ZNF829: variants seen among roughly 807,000 people sequenced by gnomAD.
ZNF829 encodes the protein zinc finger protein 829.
Under a neutral mutation model 35.2 loss-of-function variants are expected in ZNF829, and 25 were observed. The observed-to-expected ratio is 0.71, with a 90% confidence interval of 0.52 to 0.99. The LOEUF (loss-of-function observed/expected upper bound fraction) is 0.99, where lower values mean the gene tolerates loss of function less well. Ranked by LOEUF, ZNF829 falls within the 50% of genes least tolerant of loss-of-function variation. The pLI, the probability that ZNF829 is intolerant of heterozygous loss-of-function variation, is 0.00. For missense variants in ZNF829, 417 were observed against 515.3 expected (o/e 0.81, Z 1.85); for synonymous variants, 136 against 163.2 (o/e 0.83, Z 1.27).
At chr19:36,903,930 T>C (rs890704041) in intron 5 of ZNF829, among the ~76,000 whole-genome samples, 1 of 152,054 alleles carries the variant, frequency 6.6e-6, no homozygotes, top group African/African-American at 2.4e-5. Flanking sequence ...AACTGATACA[T>C]AAAAAAGACA....
chr19:36,899,107 C>T (rs916178947), intron 5 of ZNF829, among the ~76,000 whole-genome samples: 17 of 152,024 alleles, frequency 1.1e-4, no homozygotes, highest in African/African-American at 4.1e-4. Flanking sequence ...AACTCTTCAC[C>T]TGAGAAGGGA....
intron 5 of ZNF829, among the ~76,000 whole-genome samples, chr19:36,896,858 G>T (rs895056668): frequency 1.3e-5 from 2 of 152,136 alleles, no homozygotes; most frequent in African/African-American, 4.8e-5. Flanking sequence ...TAAACAATGT[G>T]CTTGCTCATG....
intron 5 of ZNF829, among the ~76,000 whole-genome samples, chr19:36,905,119 A>G (rs1351549579): frequency 6.6e-6 from 1 of 152,082 alleles, no homozygotes. Context: ...TTCCACTTCC[A>G]TATTTTTTGA....
chr19:36,913,082 T>C (rs568546451), intron 3 of ZNF829: 1 of 152,292 alleles, frequency 6.6e-6, no homozygotes, highest in African/African-American at 2.4e-5. Flanking sequence ...ATCTTCTCTA[T>C]AGAAATGAGA....
In ZNF829 at chr19:36,915,196, A is replaced by G. The variant is rs1481901927; in HGVS notation, c.-29T>C. On this transcript the variant is annotated 5_prime_UTR_variant, in exon 2 of 6. Coordinates refer to ENST00000391711, the MANE Select transcript of ZNF829 (RefSeq NM_001037232.4). ...GTCCAATTCCAGTGGCTCAGGGGAA[A>G]GGTTGTGTTCACTGCTGTCCAGGGT... The G allele has an allele frequency of 1.9e-6, 3 of 1,613,940 alleles. No individual in the cohort carries two copies. Among genetic ancestry groups the G allele is most frequent in the East Asian group, 2.2e-5 (1 of 44,886 alleles).
rs370786414 is a variant in ZNF829, at chr19:36,892,033, G to A, written c.758C>T (p.Ser253Leu). The A allele has an allele frequency of 6.2e-7, 1 of 1,613,920 alleles. No homozygotes were observed. Among genetic ancestry groups the A allele is most frequent in the Non-Finnish European group, 8.5e-7 (1 of 1,179,916 alleles). Reference protein sequence around the residue: ...KECGKAFKYCSNLNDHQRIHT... With the variant: ...KECGKAFKYCLNLNDHQRIHT... Reference sequence around the variant, plus strand: ...AATTCTCTGATGATCATTAAGGTTTGAGCAATACTTAAAGGCTTTTCCACA... The same window carrying A: ...AATTCTCTGATGATCATTAAGGTTTAAGCAATACTTAAAGGCTTTTCCACA... The change falls in exon 6 of 6, where the codon TCA (serine) becomes TTA (leucine). Residue 253 changes from serine to leucine, a missense_variant. By Grantham distance (145) the Ser-to-Leu change is moderately radical. Coordinates refer to ENST00000391711, the MANE Select transcript of ZNF829 (RefSeq NM_001037232.4).
rs187589213 is a variant in ZNF829, at chr19:36,907,803, G to C, written c.319+126C>G. The stretch of plus-strand genomic sequence containing the variant: ...ATATTGGACTAGGGAAAAAGTATGA[G>C]AAAAAAAAAAAAAGTGGGATAGCTT... On this transcript the variant is annotated intron_variant, in intron 5 of 5. Transcript: ENST00000391711. 6.3e-4 allele frequency: 374 copies of C among 596,066 alleles called. No homozygotes were observed. In the African/African-American group the frequency reaches 6.6e-3, roughly 11 times the overall value. 36.9% of individuals were successfully genotyped at this position (596,066 alleles called of 1,614,324 possible). A position where few individuals can be genotyped will look rare whatever the true frequency, so the allele number is the denominator to read the frequency against.
chr19:36,910,089 T>A (rs553777192), intron 3 of ZNF829, among the ~76,000 whole-genome samples: 16 of 139,622 alleles, frequency 1.1e-4, no homozygotes, highest in African/African-American at 3.9e-4. Context: ...CTTGAAAAAT[T>A]TTTTTTTTTT....
chr19:36,915,258 A>G lies in ZNF829; in HGVS notation c.-84-7T>C. 6.2e-7 allele frequency: 1 copy of G among 1,607,962 alleles called. No individual in the cohort carries two copies. Among genetic ancestry groups the G allele is most frequent in the Non-Finnish European group, 8.5e-7 (1 of 1,177,208 alleles). ...CAGACCTCAGAGAGGTTTCCTAGAG[A>G]CAGAGTTCTGGAGTCACAATCGCAT... On this transcript the variant is annotated splice_polypyrimidine_tract_variant and splice_region_variant and intron_variant, in intron 1 of 5. Transcript: ENST00000391711.
chr19:36,894,804 G>C (rs1034991980), intron 5 of ZNF829, among the ~76,000 whole-genome samples: 2 of 151,928 alleles, frequency 1.3e-5, no homozygotes, highest in Non-Finnish European at 2.9e-5. Flanking sequence ...ATGACATATG[G>C]GACATCATAA....
chr19:36,888,695 T>C lies in ZNF829; in HGVS notation c.*2797A>G, dbSNP rs1209563135. 1 of 152,202 alleles carries C rather than the reference T, an allele frequency of 6.6e-6. No homozygotes were observed. The highest frequency in any genetic ancestry group is 1.5e-5 in the Non-Finnish European group (1 of 68,066). The allele number at this position is 152,202 out of a possible 1,614,324, so 9.4% of individuals were successfully genotyped here. A position where few individuals can be genotyped will look rare whatever the true frequency, so the allele number is the denominator to read the frequency against. On this transcript the variant is annotated 3_prime_UTR_variant, in exon 6 of 6. Coordinates refer to ENST00000391711, the MANE Select transcript of ZNF829 (RefSeq NM_001037232.4). ...ATGTACCTTGTACTAAATAGGATTT[T>C]TTTTGGTTTTTTTTTGAGATGGAGT... is the stretch of plus-strand genomic sequence containing the variant.
Position 36,891,798 on chromosome 19 carries a change from C to G in ZNF829, c.993G>C (p.Lys331Asn), listed in dbSNP as rs374018238. Residue 331 changes from lysine to asparagine, a missense_variant, in exon 6 of 6, where the codon AAG becomes AAC. Lys to Asn is a moderately conservative substitution (Grantham distance 94). Coordinates refer to ENST00000391711, the MANE Select transcript of ZNF829 (RefSeq NM_001037232.4). ...TAAGTGTTGAGGCACTATTAAAGGC[C>G]TTCCCACACTGCTTACATTCATAAG... ...EKPYECKQCGKAFNSASTLTN... is the reference protein window; with the variant it reads ...EKPYECKQCGNAFNSASTLTN... 3.7e-6 allele frequency: 6 copies of G among 1,614,006 alleles called. No individual in the cohort carries two copies. The African/African-American group carries it at 8.0e-5, about 22-fold the overall frequency.
intron 5 of ZNF829, among the ~76,000 whole-genome samples, chr19:36,905,098 C>G (rs1333015175): frequency 2.0e-5 from 3 of 152,202 alleles, no homozygotes; most frequent in African/African-American, 7.2e-5. Context: ...TTAACTTCTA[C>G]TTGGATCAAT....
At chr19:36,904,708 G>A (rs2073201505) in intron 5 of ZNF829, among the ~76,000 whole-genome samples, 2 of 151,880 alleles carry the variant, frequency 1.3e-5, no homozygotes, top group Non-Finnish European at 2.9e-5. Flanking sequence ...CTGGGCTGCT[G>A]TTTTTCAATA....
rs1199886593 is a variant in ZNF829 at position 36,907,991 on chromosome 19, AAGG to A, written c.254_256del (p.Ser85del). On this transcript the variant is annotated inframe_deletion, in exon 5 of 6. Transcript: ENST00000391711. ...CCAGGGCTCTTTTCCTTGTTCCAAT[AAGG>A]AGATCACAGCTGGCTTAGAATTGGA... 5 of 1,613,908 alleles carry A rather than the reference AAGG, an allele frequency of 3.1e-6. No homozygotes were observed. The African/African-American group carries it at 6.7e-5, about 22-fold the overall frequency.
In ZNF829 at chr19:36,916,206, G is replaced by A; in HGVS notation, c.-280C>T. 2.2e-6 allele frequency: 1 copy of A among 460,838 alleles called. No homozygotes were observed. Among genetic ancestry groups the A allele is most frequent in the Non-Finnish European group, 3.9e-6 (1 of 258,712 alleles). 28.5% of individuals were successfully genotyped at this position (460,838 alleles called of 1,614,324 possible). ...ATCCAGCCGAGCCTCGGAGTTGCGG[G>A]TCGCCGTAGCGCTGCGCAATGGAGA... is the stretch of plus-strand genomic sequence containing the variant. On this transcript the variant is annotated 5_prime_UTR_variant, in exon 1 of 6. Transcript: ENST00000391711. This position sits in a 1 kb window ranked among gnomAD's most constrained non-coding sequence, Gnocchi z 5.3.
At chr19:36,899,833 G>A in intron 5 of ZNF829, among the ~76,000 whole-genome samples, 1 of 151,184 alleles carries the variant, frequency 6.6e-6, no homozygotes, top group South Asian at 2.1e-4. Flanking sequence ...ATTTCAATAT[G>A]TATGTGTATC....
chr19:36,915,280 G>T, intron 1 of ZNF829, 29 bp from the exon 2 acceptor site: 13 of 1,586,260 alleles, frequency 8.2e-6, no homozygotes, highest in Non-Finnish European at 1.1e-5. Context: ...AGTCACAATC[G>T]CATAGTTGAC....
chr19:36,897,811 C>T (rs1440940200), intron 5 of ZNF829, among the ~76,000 whole-genome samples: 1 of 152,156 alleles, frequency 6.6e-6, no homozygotes. Flanking sequence ...AAAGATGCCA[C>T]CAGAAATTCT....
Sources: gnomAD v4.1 joint callset for allele counts (sites outside exome capture counted in the v4.1 genomes callset) on GRCh38, gnomAD v4.1.1 for gene constraint, Gnocchi (gnomAD v3.1) non-coding constraint, MANE v1.5 for transcripts, NCBI Gene and HGNC (gene_info 2026-07-23, HGNC 2026-07-21) for gene names.